Variants in SPECC1 observed in about 807,000 individuals in gnomAD.
SPECC1 encodes cytospin-B.
SPECC1 carries 62 observed loss-of-function variants against 104.1 expected under a neutral mutation model. That is an observed-to-expected ratio of 0.60 (90% CI 0.49 to 0.74). The LOEUF (loss-of-function observed/expected upper bound fraction) is 0.74. Ranked by LOEUF, SPECC1 falls within the 30% of genes least tolerant of loss-of-function variation. The probability of loss-of-function intolerance (pLI) is 0.00; values close to 1 mark genes in which losing one functional copy is unlikely to be tolerated. For synonymous variants in SPECC1, 513 were observed against 501.6 expected, an observed-to-expected ratio of 1.02 and a Z score of -0.30; for missense variants, 1,306 against 1,310.5, an observed-to-expected ratio of 1.00 and a Z score of 0.05.
chr17:20,196,912 A>C (rs1282370835), intron 3 of SPECC1, among the ~76,000 whole-genome samples: 1 of 152,212 alleles, frequency 6.6e-6, no homozygotes, highest in Non-Finnish European at 1.5e-5. Context: ...GTATTTCCCG[A>C]AGATTACTAA....
In SPECC1 at chr17:20,245,913, C is replaced by T. The variant is rs1268273792; in HGVS notation, c.2352-13C>T. The T allele has an allele frequency of 6.2e-7, 1 of 1,613,886 alleles. No homozygotes were observed. The highest frequency in any genetic ancestry group is 2.2e-5 in the East Asian group (1 of 44,852). On this transcript the variant is annotated splice_polypyrimidine_tract_variant and intron_variant, in intron 7 of 14. Coordinates refer to ENST00000395527, the MANE Select transcript of SPECC1 (RefSeq NM_001243439.2). Reference sequence around the variant, plus strand: ...CTCCATCTTTTCAATCTGATTTGCTCTTTGCCATGCAGACCTGTGGATGAA... The same window carrying T: ...CTCCATCTTTTCAATCTGATTTGCTTTTTGCCATGCAGACCTGTGGATGAA...
At chr17:20,109,786 G>T (rs1376884861) in intron 2 of SPECC1, among the ~76,000 whole-genome samples, 1 of 152,072 alleles carries the variant, frequency 6.6e-6, no homozygotes, top group Non-Finnish European at 1.5e-5. Flanking sequence ...CCTGCCTTTT[G>T]TGCATCTCCC....
At chr17:20,113,018 C>G (rs886626927) in intron 3 of SPECC1, 5 of 845,166 alleles carry the variant, frequency 5.9e-6, no homozygotes, top group African/African-American at 1.7e-5. Context: ...GGAACATGTA[C>G]AAGATGAAAA....
At chr17:20,231,570 A>T (rs1174628581) in intron 5 of SPECC1, among the ~76,000 whole-genome samples, 188 bp from the exon 6 acceptor site, 1 of 152,134 alleles carries the variant, frequency 6.6e-6, no homozygotes, top group Non-Finnish European at 1.5e-5. Context: ...ATCTCAGAGG[A>T]GGCTCTTGTG....
At chr17:20,043,161 A>G (rs907368302) in intron 1 of SPECC1, among the ~76,000 whole-genome samples, 1 of 152,180 alleles carries the variant, frequency 6.6e-6, no homozygotes, top group African/African-American at 2.4e-5. Flanking sequence ...ATTAGCTTCA[A>G]ACAGTTTTGG....
chr17:20,174,967 C>T (rs894265448), intron 3 of SPECC1, among the ~76,000 whole-genome samples: 3 of 152,128 alleles, frequency 2.0e-5, no homozygotes, highest in Admixed American at 2.0e-4. Context: ...ATCTTAACCT[C>T]CTCTTTGCCT....
Position 20,104,516 on chromosome 17 carries a change from G to T in SPECC1, c.148-5911G>T, listed in dbSNP as rs545012355. ...CCGCCACTTTGGGAGGCCGAGGCAG[G>T]TGGATCACCTGAGGTCAGGAGTTTG... On this transcript the variant is annotated intron_variant, in intron 2 of 14. Transcript: ENST00000395527. Among the ~76,000 whole-genome samples, 10 of 152,164 alleles carry T rather than the reference G, an allele frequency of 6.6e-5. No homozygotes were observed. The South Asian group carries it at 1.9e-3, about 28-fold the overall frequency.
chr17:20,131,639 CTTTT>C (rs541723505), intron 3 of SPECC1, among the ~76,000 whole-genome samples: 5 of 118,004 alleles, frequency 4.2e-5, no homozygotes, highest in Non-Finnish European at 7.2e-5. Context: ...CAGTCTTCTT[CTTTT>C]TTTTTTTTTT....
At chr17:20,288,870 G>A (rs1002099022) in intron 12 of SPECC1, among the ~76,000 whole-genome samples, 2 of 133,430 alleles carry the variant, frequency 1.5e-5, no homozygotes, top group East Asian at 4.9e-4. Context: ...TGCAACCTCC[G>A]CCCCCCCGGG....
intron 1 of SPECC1, among the ~76,000 whole-genome samples, chr17:20,072,836 C>T (rs943120402): frequency 2.0e-5 from 3 of 152,148 alleles, no homozygotes; most frequent in Non-Finnish European, 4.4e-5. Flanking sequence ...AGCCCAGGCC[C>T]GCTGATAGAG....
intron 3 of SPECC1, among the ~76,000 whole-genome samples, chr17:20,150,659 G>A (rs1434547996): frequency 6.6e-6 from 1 of 151,800 alleles, no homozygotes; most frequent in African/African-American, 2.4e-5. Context: ...AAAGTGCTGG[G>A]ATTACAGGTT....
At chr17:20,194,072 T>A (rs1196613621) in intron 3 of SPECC1, among the ~76,000 whole-genome samples, 2 of 152,234 alleles carry the variant, frequency 1.3e-5, no homozygotes, top group African/African-American at 4.8e-5. Context: ...AAGACTGATT[T>A]GTTTTATTAT....
At chr17:20,099,325 T>C (rs572107148) in intron 2 of SPECC1, among the ~76,000 whole-genome samples, 1 of 152,088 alleles carries the variant, frequency 6.6e-6, no homozygotes, top group East Asian at 1.9e-4. Flanking sequence ...AATGAATACA[T>C]ACATTCCACA....
At chr17:20,305,940 G>T in intron 13 of SPECC1, 83 bp from the exon 14 acceptor site, 1 of 1,146,398 alleles carries the variant, frequency 8.7e-7, no homozygotes. Context: ...TAATCTATAT[G>T]GGAATATCAG....
intron 1 of SPECC1, among the ~76,000 whole-genome samples, chr17:20,035,703 C>T (rs1359262120): frequency 6.6e-6 from 1 of 152,050 alleles, no homozygotes; most frequent in Non-Finnish European, 1.5e-5. Context: ...TGCATTACAG[C>T]CTCAAACTAC....
chr17:20,302,340 C>T (rs1337363031), intron 13 of SPECC1, among the ~76,000 whole-genome samples: 3 of 152,278 alleles, frequency 2.0e-5, no homozygotes, highest in Middle Eastern at 3.4e-3. Flanking sequence ...GCAGTGATGG[C>T]GTCACCCTGC....
intron 3 of SPECC1, among the ~76,000 whole-genome samples, chr17:20,117,403 T>C (rs2048813472): frequency 6.6e-6 from 1 of 152,104 alleles, no homozygotes; most frequent in Non-Finnish European, 1.5e-5. Flanking sequence ...CTTACATAAA[T>C]ATAAGAAACT....
At chr17:20,208,359 A>G (rs1483536774) in intron 4 of SPECC1, among the ~76,000 whole-genome samples, 3 of 152,232 alleles carry the variant, frequency 2.0e-5, no homozygotes, top group Non-Finnish European at 4.4e-5. Context: ...TTGTAATTGC[A>G]GTGGACTTGT....
rs1019023228 is a variant in SPECC1, at chr17:20,279,761, C to T, written c.2941-17200C>T. On this transcript the variant is annotated intron_variant, in intron 12 of 14. Transcript: ENST00000395527. ...ACAGAGTCAGAAAGGGTTTAAAAACCATGGTGACAGGTGGTCTCCCAGCCA... is the reference window on the plus strand; with the variant it reads ...ACAGAGTCAGAAAGGGTTTAAAAACTATGGTGACAGGTGGTCTCCCAGCCA... Among the ~76,000 whole-genome samples the T allele has an allele frequency of 2.2e-4, 33 of 152,244 alleles. 1 individual carries two copies.
Sources: allele counts gnomAD v4.1 joint callset (sites outside exome capture counted in the v4.1 genomes callset), GRCh38; gene constraint gnomAD v4.1.1; transcripts MANE v1.5; gene names NCBI Gene and HGNC (gene_info 2026-07-23, HGNC 2026-07-21).